The following RPGRIP1 variants were observed in gnomAD, a reference collection of about 807,000 sequenced individuals.
RPGRIP1 encodes X-linked retinitis pigmentosa GTPase regulator-interacting protein 1.
RPGRIP1 carries 128 observed loss-of-function variants against 157.9 expected under a neutral mutation model. That is an observed-to-expected ratio of 0.81 (90% CI 0.70 to 0.94). RPGRIP1 has a LOEUF of 0.94. Ranked by LOEUF, RPGRIP1 falls within the 40% of genes least tolerant of loss-of-function variation. The pLI is 0.00. For synonymous variants in RPGRIP1, 554 were observed against 571.6 expected (o/e 0.97, Z 0.44); for missense variants, 1,486 against 1,545.8 (o/e 0.96, Z 0.65).
intron 6 of RPGRIP1, among the ~76,000 whole-genome samples, chr14:21,307,197 G>A (rs929238272): frequency 6.6e-6 from 1 of 152,164 alleles, no homozygotes; most frequent in African/African-American, 2.4e-5. Flanking sequence ...GGGATGACAG[G>A]CTTATGCCAC....
At chr14:21,291,974 G>A (rs907670953) in intron 2 of RPGRIP1, among the ~76,000 whole-genome samples, 1 of 152,030 alleles carries the variant, frequency 6.6e-6, no homozygotes, top group Non-Finnish European at 1.5e-5. Context: ...TGGTCACGCT[G>A]GTCTCAAACT....
chr14:21,313,787 GAA>G (rs113356233), intron 10 of RPGRIP1, among the ~76,000 whole-genome samples: 3 of 130,868 alleles, frequency 2.3e-5, no homozygotes, highest in East Asian at 2.3e-4. Context: ...GACTTCCTCT[GAA>G]AAAAAAAAAA....
Position 21,325,811 on chromosome 14 carries a change from C to T in RPGRIP1, c.2368-20C>T. ...TCTCAAGCTGCCCTTTTCCTCAATC[C>T]ATGACCAACATCTTTCCAGTTCAGA... is the stretch of plus-strand genomic sequence containing the variant. On this transcript the variant is annotated intron_variant, in intron 16 of 24. Transcript: ENST00000400017. The T allele has an allele frequency of 6.3e-7, 1 of 1,586,860 alleles. No homozygotes were observed. Among genetic ancestry groups the T allele is most frequent in the Non-Finnish European group, 8.6e-7 (1 of 1,160,758 alleles).
intron 4 of RPGRIP1, among the ~76,000 whole-genome samples, chr14:21,302,283 C>A (rs1275120030): frequency 1.3e-5 from 2 of 152,038 alleles, no homozygotes; most frequent in Non-Finnish European, 2.9e-5. Flanking sequence ...TGTACTTACT[C>A]ACTTGAGGAT....
At position 21,331,559 on chromosome 14, in the gene RPGRIP1, A is replaced by G. The variant is rs35140026; in HGVS notation, c.3238+1172A>G. Reference sequence around the variant, plus strand: ...AAAAAACAGGACAGTGTTTGTCTTGATTATTGAGTTTTTGGCACCCCTTCA... The same window carrying G: ...AAAAAACAGGACAGTGTTTGTCTTGGTTATTGAGTTTTTGGCACCCCTTCA... On this transcript the variant is annotated intron_variant, in intron 20 of 24. Transcript: ENST00000400017. Among the ~76,000 whole-genome samples the G allele has an allele frequency of 9.3e-3, 1,422 of 152,108 alleles. 9 individuals are homozygous for G. Among genetic ancestry groups the G allele is most frequent in the Non-Finnish European group, 0.014 (949 of 67,968 alleles).
intron 24 of RPGRIP1, among the ~76,000 whole-genome samples, chr14:21,349,029 C>T (rs1300685167): frequency 1.3e-5 from 2 of 151,362 alleles, no homozygotes; most frequent in South Asian, 2.1e-4. Context: ...TAAGTCTTAT[C>T]CATTCTACTT....
At chr14:21,291,094 GCCATTTGTATATCT>G in intron 2 of RPGRIP1, among the ~76,000 whole-genome samples, 1 of 151,096 alleles carries the variant, frequency 6.6e-6, no homozygotes, top group East Asian at 1.9e-4. Context: ...ATGCTTATTT[GCCATTTGTATATCT>G]ACTTGGGAGA....
chr14:21,307,342 C>A (rs1228635703), intron 6 of RPGRIP1, among the ~76,000 whole-genome samples: 2 of 152,262 alleles, frequency 1.3e-5, no homozygotes, highest in Non-Finnish European at 2.9e-5. Context: ...GCGTGAGCCA[C>A]GGTGCCTGGT....
chr14:21,340,604 G>A (rs940482619), intron 21 of RPGRIP1, among the ~76,000 whole-genome samples: 6 of 152,070 alleles, frequency 3.9e-5, no homozygotes, highest in African/African-American at 1.4e-4. Context: ...GCAGTGAGCC[G>A]ACGTCGCACC....
At chr14:21,309,720 CTT>C (rs1015219765) in intron 7 of RPGRIP1, among the ~76,000 whole-genome samples, 1 of 151,958 alleles carries the variant, frequency 6.6e-6, no homozygotes, top group Non-Finnish European at 1.5e-5. Flanking sequence ...GGAATTTAGA[CTT>C]TATCCTACAA....
At chr14:21,314,500 C>T (rs1881680997) in intron 10 of RPGRIP1, among the ~76,000 whole-genome samples, 1 of 151,920 alleles carries the variant, frequency 6.6e-6, no homozygotes, top group African/African-American at 2.4e-5. Flanking sequence ...TCCTGTAATC[C>T]CAGCACTTTG....
chr14:21,290,825 A>G (rs1248624278), intron 2 of RPGRIP1, among the ~76,000 whole-genome samples: 3 of 151,102 alleles, frequency 2.0e-5, no homozygotes, highest in African/African-American at 7.3e-5. Context: ...TCTCAAAAAA[A>G]AAAAAAAGGA....
chr14:21,340,804 G>C (rs1474035328), intron 21 of RPGRIP1, among the ~76,000 whole-genome samples: 2 of 152,018 alleles, frequency 1.3e-5, no homozygotes, highest in Admixed American at 1.3e-4. Flanking sequence ...AAGAAACCAG[G>C]CTTACTATTA....
Position 21,345,120 on chromosome 14 carries a change from C to A in RPGRIP1, c.3540C>A (p.Asp1180Glu). The A allele has an allele frequency of 6.2e-7, 1 of 1,611,126 alleles. No homozygotes were observed. Among genetic ancestry groups the A allele is most frequent in the Non-Finnish European group, 8.5e-7 (1 of 1,177,380 alleles). The change falls in exon 23 of 25, where the codon GAC becomes GAA. Residue 1180 changes from aspartate (D) to glutamate (E), a missense_variant. Physicochemically the swap from Asp to Glu is conservative, Grantham distance 45. Transcript: ENST00000400017. ...CTCTTACCCTTAATACAGTAATAGA[C>A]CTGGACCCACAGGAGCAGCAAGGCC... ...EIHFHFSKVI[D>E]LDPQEQQGRR...
intron 21 of RPGRIP1, among the ~76,000 whole-genome samples, chr14:21,341,966 C>T (rs1482675967): frequency 2.6e-5 from 4 of 150,976 alleles, no homozygotes; most frequent in South Asian, 2.1e-4. Context: ...AGGAGAATGG[C>T]GGGAACCCGG....
At chr14:21,308,792 T>TAGGC (rs1268283110) in intron 7 of RPGRIP1, among the ~76,000 whole-genome samples, 16 of 152,070 alleles carry the variant, frequency 1.1e-4, no homozygotes, top group Non-Finnish European at 8.8e-5. Flanking sequence ...CTTATATGAG[T>TAGGC]AGGCAGGAGG....
At chr14:21,282,233 T>A (rs980696433) in intron 1 of RPGRIP1, among the ~76,000 whole-genome samples, 5 of 152,124 alleles carry the variant, frequency 3.3e-5, no homozygotes, top group Admixed American at 6.6e-5. Context: ...TGAATATCAC[T>A]GCAAGGAAAT....
chr14:21,296,816 G>T (rs1271664583), intron 3 of RPGRIP1, among the ~76,000 whole-genome samples: 1 of 151,732 alleles, frequency 6.6e-6, no homozygotes, highest in South Asian at 2.1e-4. Context: ...TTAGCTGGGC[G>T]TGGTGGTGGG....
At position 21,325,365 on chromosome 14, in the gene RPGRIP1, G is replaced by A; in HGVS notation, c.2349G>A (p.Arg783=). Residue 783 remains arginine, a synonymous_variant, in exon 16 of 25, where the codon CGG becomes CGA. Transcript: ENST00000400017. ...TGTCAACCGATGTGCTTGGAGGCCG[G>A]AAGGCCCAGGAAGAGGAGGTGAGAA... The part of the protein sequence containing the change: ...VYLSTDVLGG[R]KAQEEEFRSE... 1 of 1,579,920 alleles carries A rather than the reference G, an allele frequency of 6.3e-7. No individual in the cohort carries two copies. Among genetic ancestry groups the A allele is most frequent in the Non-Finnish European group, 8.6e-7 (1 of 1,162,810 alleles).
Sources: gnomAD v4.1 joint callset for allele counts (sites outside exome capture counted in the v4.1 genomes callset) on GRCh38, gnomAD v4.1.1 for gene constraint, MANE v1.5 for transcripts, NCBI Gene and HGNC (gene_info 2026-07-23, HGNC 2026-07-21) for gene names.